The following PYGB variants were observed in gnomAD, a reference collection of about 807,000 sequenced individuals.
PYGB encodes the protein glycogen phosphorylase, brain form.
PYGB carries 82 observed loss-of-function variants against 94.3 expected under a neutral mutation model. The ratio of observed to expected loss-of-function variants is 0.87; its 90% confidence interval spans 0.73 to 1.04. The LOEUF (loss-of-function observed/expected upper bound fraction) is 1.04. Among genes scored for constraint, PYGB ranks in the 50% least tolerant of loss-of-function variants. The pLI is 0.00. For synonymous variants in PYGB, 488 were observed against 479.1 expected (o/e 1.02, Z -0.24); for missense variants, 1,132 against 1,158.2 (o/e 0.98, Z 0.33).
rs1199429551 is a variant in PYGB at position 25,274,742 on chromosome 20, C to A, written c.660+19C>A. The stretch of plus-strand genomic sequence containing the variant: ...CACACAGGTACCTGGGCTGAAATGT[C>A]TGCGGGCAAGGCTGGAGCCAGGTGA... On this transcript the variant is annotated intron_variant, in intron 5 of 19. Transcript: ENST00000216962. The A allele has an allele frequency of 6.2e-6, 10 of 1,608,672 alleles. No individual in the cohort carries two copies. Among genetic ancestry groups the A allele is most frequent in the Non-Finnish European group, 8.5e-6 (10 of 1,178,510 alleles).
intron 12 of PYGB, among the ~76,000 whole-genome samples, chr20:25,282,596 G>T (rs1438449394): frequency 6.6e-6 from 1 of 152,252 alleles, no homozygotes; most frequent in Non-Finnish European, 1.5e-5. Context: ...GGTCAGGGAA[G>T]CCTTCCCAGG....
chr20:25,252,722 C>T (rs971924146), intron 1 of PYGB, among the ~76,000 whole-genome samples: 5 of 152,252 alleles, frequency 3.3e-5, no homozygotes, highest in African/African-American at 1.2e-4. Context: ...GCCACTGTCC[C>T]AGCACCTCCA....
At chr20:25,276,786 T>A (rs767057990) in intron 6 of PYGB, 29 bp downstream of exon 6, 2 of 1,596,292 alleles carry the variant, frequency 1.3e-6, no homozygotes, top group Non-Finnish European at 8.6e-7. Flanking sequence ...GGCACCCTTG[T>A]GTCCATGTGG....
At chr20:25,280,872 TC>T in intron 10 of PYGB, 76 bp from the exon 11 acceptor site, 1 of 1,529,518 alleles carries the variant, frequency 6.5e-7, no homozygotes, top group Non-Finnish European at 8.9e-7. Flanking sequence ...TCATGGAGTG[TC>T]CCCTGGTCAT....
chr20:25,275,134 G>A (rs926318850), intron 5 of PYGB, among the ~76,000 whole-genome samples: 11 of 152,264 alleles, frequency 7.2e-5, no homozygotes, highest in African/African-American at 1.9e-4. Context: ...TGGAGCACAC[G>A]ACAAGCTCGC....
chr20:25,271,535 A>G (rs201625541), intron 4 of PYGB, 49 bp downstream of exon 4: 5 of 1,561,160 alleles, frequency 3.2e-6, no homozygotes, highest in Middle Eastern at 1.7e-4. Context: ...CGTTCACACA[A>G]TAAAATGGCA....
In PYGB at chr20:25,284,167, T is replaced by TC; in HGVS notation, c.1686dup (p.Met563HisfsTer72). ...GTACAAGGTGAAGATCAACCCCTCC[T>TC]CCATGTTCGATGTGCATGTGAAGAG... On this transcript the variant is annotated frameshift_variant, in exon 14 of 20. Transcript: ENST00000216962. LOFTEE classifies it high-confidence loss of function. 6.2e-7 allele frequency: 1 copy of TC among 1,613,974 alleles called. No individual in the cohort carries two copies.
chr20:25,277,382 A>T (rs1360728309), intron 7 of PYGB, 56 bp downstream of exon 7: 21 of 1,499,432 alleles, frequency 1.4e-5, no homozygotes, highest in Admixed American at 5.1e-5. Flanking sequence ...TGGCATAGAG[A>T]GGTGGGCTGG....
rs910320630 is a variant in PYGB, at chr20:25,296,664, G to A, written c.*142G>A. The A allele has an allele frequency of 8.5e-7, 1 of 1,178,296 alleles. No individual in the cohort carries two copies. The highest frequency in any genetic ancestry group is 1.5e-5 in the African/African-American group (1 of 64,618). The allele number at this position is 1,178,296 out of a possible 1,614,324, so 73.0% of individuals were successfully genotyped here. On this transcript the variant is annotated 3_prime_UTR_variant, in exon 20 of 20. Transcript: ENST00000216962. Reference sequence around the variant, plus strand: ...TTTCCAGGAGGGGCCATGGGGGTCAGGGTGGTTTTGAGAGAGCAGGGTAAG... The same window carrying A: ...TTTCCAGGAGGGGCCATGGGGGTCAAGGTGGTTTTGAGAGAGCAGGGTAAG...
chr20:25,282,205 A>C, intron 12 of PYGB, 58 bp downstream of exon 12: 1 of 1,395,506 alleles, frequency 7.2e-7, no homozygotes, highest in East Asian at 2.3e-5. Flanking sequence ...ACCGCGGGCC[A>C]TGTCATCAGC....
chr20:25,291,010 TCTC>T (rs777828292), intron 16 of PYGB, among the ~76,000 whole-genome samples: 5 of 131,880 alleles, frequency 3.8e-5, no homozygotes, highest in Admixed American at 7.8e-5. Flanking sequence ...TCCCCTGCCC[TCTC>T]CTCCTGCCCC....
At chr20:25,277,586 C>T (rs1311117075) in intron 7 of PYGB, among the ~76,000 whole-genome samples, 2 of 152,196 alleles carry the variant, frequency 1.3e-5, no homozygotes, top group Non-Finnish European at 2.9e-5. Context: ...TGCCACCTTC[C>T]CCTCTTATCC....
At chr20:25,272,345 C>T (rs767046167) in intron 4 of PYGB, among the ~76,000 whole-genome samples, 21 of 152,266 alleles carry the variant, frequency 1.4e-4, no homozygotes, top group East Asian at 3.9e-4. Context: ...TGGGCCTCAA[C>T]GGCAGGTGCA....
intron 10 of PYGB, 127 bp from the exon 11 acceptor site, chr20:25,280,822 C>T: frequency 7.8e-7 from 1 of 1,283,178 alleles, no homozygotes; most frequent in Non-Finnish European, 1.1e-6. Context: ...TGTCACAGCC[C>T]CAGAACTTCC....
At chr20:25,287,530 T>C (rs2088428436) in intron 14 of PYGB, among the ~76,000 whole-genome samples, 1 of 152,132 alleles carries the variant, frequency 6.6e-6, no homozygotes, top group Admixed American at 6.5e-5. Flanking sequence ...GTGCCTGTAG[T>C]CGCATCTACT....
At chr20:25,290,645 G>A (rs1462814629) in intron 16 of PYGB, 23 bp downstream of exon 16, 1 of 1,587,940 alleles carries the variant, frequency 6.3e-7, no homozygotes, top group East Asian at 2.3e-5. Context: ...GCCTGTGTTG[G>A]ACAGAAAACT....
chr20:25,290,148 G>A (rs1358684714), intron 15 of PYGB, among the ~76,000 whole-genome samples: 1 of 152,196 alleles, frequency 6.6e-6, no homozygotes, highest in Non-Finnish European at 1.5e-5. Context: ...GTCCCAGTAT[G>A]TCCCTAGGGA....
Position 25,288,410 on chromosome 20 carries a change from C to T in PYGB, c.1769-15C>T. ...TCGCGGTGCCTTGTGTGAGTCTCTT[C>T]CGTGTGTCCTGCAGGAATCAAGAGA... On this transcript the variant is annotated splice_polypyrimidine_tract_variant and intron_variant, in intron 14 of 19. Transcript: ENST00000216962. The T allele has an allele frequency of 6.2e-7, 1 of 1,614,150 alleles. No homozygotes were observed. The highest frequency in any genetic ancestry group is 8.5e-7 in the Non-Finnish European group (1 of 1,179,998).
chr20:25,276,429 G>A (rs971187247), intron 5 of PYGB, among the ~76,000 whole-genome samples: 1 of 152,062 alleles, frequency 6.6e-6, no homozygotes, highest in African/African-American at 2.4e-5. Context: ...TGGGACGGGT[G>A]GTCCTCTCAG....
Sources: allele counts gnomAD v4.1 joint callset (sites outside exome capture counted in the v4.1 genomes callset), GRCh38; gene constraint gnomAD v4.1.1; transcripts MANE v1.5; gene names NCBI Gene and HGNC (gene_info 2026-07-23, HGNC 2026-07-21).